Variants in ABLIM1 observed in about 807,000 individuals in gnomAD.
The protein encoded by ABLIM1 is actin binding LIM protein 1, also known as actin-binding LIM protein 1.
ABLIM1 carries 40 observed loss-of-function variants against 107.0 expected under a neutral mutation model. The ratio of observed to expected loss-of-function variants is 0.37; its 90% CI spans 0.29 to 0.49. The LOEUF (loss-of-function observed/expected upper bound fraction) is 0.49, where lower values mean the gene tolerates loss of function less well. ABLIM1 is among the 20% of genes least tolerant of loss of function. The pLI, the probability that ABLIM1 is intolerant of heterozygous loss-of-function variation, is 0.97. For synonymous variants in ABLIM1, 357 were observed against 357.3 expected (o/e 1.00, Z 0.01); for missense variants, 857 against 1,008.5 (o/e 0.85, Z 2.04).
chr10:114,478,850 C>G (rs1410713882), intron 8 of ABLIM1, among the ~76,000 whole-genome samples: 1 of 152,176 alleles, frequency 6.6e-6, no homozygotes, highest in Non-Finnish European at 1.5e-5. Flanking sequence ...AAATTTACTT[C>G]CATGGGCATC....
chr10:114,585,219 G>A (rs993251543), intron 2 of ABLIM1, among the ~76,000 whole-genome samples: 3 of 152,110 alleles, frequency 2.0e-5, no homozygotes, highest in Non-Finnish European at 4.4e-5. Flanking sequence ...GGACTCAAAG[G>A]TAAGTTTTAT....
At chr10:114,715,234 A>G (rs1373379876) in intron 1 of ABLIM1, among the ~76,000 whole-genome samples, 1 of 152,220 alleles carries the variant, frequency 6.6e-6, no homozygotes, top group African/African-American at 2.4e-5. Context: ...AGAGCGAGCC[A>G]AGAATGAAAA....
chr10:114,462,377 G>A (rs1199029551), intron 12 of ABLIM1, among the ~76,000 whole-genome samples: 1 of 152,136 alleles, frequency 6.6e-6, no homozygotes, highest in Non-Finnish European at 1.5e-5. Flanking sequence ...GGCTCCCCCA[G>A]TGTGGAGAGT....
intron 4 of ABLIM1, among the ~76,000 whole-genome samples, chr10:114,556,463 C>T (rs889122659): frequency 2.6e-5 from 4 of 152,152 alleles, no homozygotes; most frequent in Non-Finnish European, 5.9e-5. Context: ...TCAGTTGCCA[C>T]CTGTTCTCAT....
At chr10:114,490,203 C>G (rs73353721) in intron 7 of ABLIM1, among the ~76,000 whole-genome samples, 3,816 of 152,312 alleles carry the variant, frequency 0.025, 159 homozygotes, top group African/African-American at 0.088. Flanking sequence ...GAAAACGTGT[C>G]ATATAAATCC....
intron 1 of ABLIM1, among the ~76,000 whole-genome samples, chr10:114,720,359 A>G (rs199663660): frequency 6.6e-6 from 1 of 152,170 alleles, no homozygotes; most frequent in Non-Finnish European, 1.5e-5. Flanking sequence ...TTTATAACAG[A>G]ATGATTTATA....
chr10:114,654,563 C>G (rs1211987025), intron 1 of ABLIM1, among the ~76,000 whole-genome samples: 1 of 152,170 alleles, frequency 6.6e-6, no homozygotes, highest in Admixed American at 6.5e-5. Context: ...CCTCCTGCCT[C>G]AGCCTCTCAA....
chr10:114,545,321 G>A (rs774594757), intron 5 of ABLIM1, among the ~76,000 whole-genome samples: 4 of 152,134 alleles, frequency 2.6e-5, no homozygotes, highest in South Asian at 2.1e-4. Flanking sequence ...CCACACAGGC[G>A]AAACAGCCAT....
upstream of ABLIM1, among the ~76,000 whole-genome samples, chr10:114,687,920 A>G (rs536781007): frequency 6.6e-6 from 1 of 152,294 alleles, no homozygotes; most frequent in African/African-American, 2.4e-5. Flanking sequence ...ATTTTCCCTG[A>G]ACTTGTCTTC....
In ABLIM1 at chr10:114,699,136, G is replaced by A. The variant is rs1215824565; in HGVS notation, c.-213+68925C>T. Among the ~76,000 whole-genome samples the A allele has an allele frequency of 2.8e-5, 4 of 143,342 alleles. No individual in the cohort carries two copies. In the East Asian group the frequency reaches 6.0e-4, roughly 21 times the overall value. The allele number at this position is 143,342 out of a possible 152,430, so 94.0% of individuals were successfully genotyped here. Reference sequence around the variant, plus strand: ...AAAAAAAAAAGAATTGGAATTAAAAGCTTTATGTAAATTAAAAATCTGTAT... The same window carrying A: ...AAAAAAAAAAGAATTGGAATTAAAAACTTTATGTAAATTAAAAATCTGTAT... On this transcript the variant is annotated intron_variant, in intron 1 of 15. Coordinates refer to the ABLIM1 transcript ENST00000651092.
At chr10:114,695,662 T>C (rs955504740) in intron 1 of ABLIM1, among the ~76,000 whole-genome samples, 2 of 152,110 alleles carry the variant, frequency 1.3e-5, no homozygotes, top group African/African-American at 4.8e-5. Flanking sequence ...CCATTACAAT[T>C]CAACAACTTT....
intron 2 of ABLIM1, among the ~76,000 whole-genome samples, 194 bp from the exon 3 acceptor site, chr10:114,575,793 A>G (rs921515840): frequency 6.6e-6 from 1 of 152,224 alleles, no homozygotes; most frequent in African/African-American, 2.4e-5. Flanking sequence ...TCATACAAGT[A>G]AAATCCACTG....
intron 1 of ABLIM1, among the ~76,000 whole-genome samples, chr10:114,678,313 T>C (rs1363170304): frequency 6.6e-6 from 1 of 152,244 alleles, no homozygotes; most frequent in African/African-American, 2.4e-5. Context: ...CTAACTACAT[T>C]AACCTGTTGG....
upstream of ABLIM1, among the ~76,000 whole-genome samples, chr10:114,772,582 G>A (rs1291585968): frequency 6.6e-6 from 1 of 150,738 alleles, no homozygotes; most frequent in Non-Finnish European, 1.5e-5. Context: ...ACTCCAGCCT[G>A]GGTGACAGAG....
intron 1 of ABLIM1, among the ~76,000 whole-genome samples, chr10:114,651,589 AC>A (rs2079245653): frequency 6.6e-6 from 1 of 152,162 alleles, no homozygotes. Context: ...GAAAGGCTTA[AC>A]CGTCAAGAGC....
intron 6 of ABLIM1, among the ~76,000 whole-genome samples, chr10:114,536,227 GTTT>G (rs536435789): frequency 5.3e-5 from 3 of 56,260 alleles, no homozygotes; most frequent in Middle Eastern, 9.8e-3. Flanking sequence ...TTCTTTCTTT[GTTT>G]TTTTTTTTTT....
intron 6 of ABLIM1, among the ~76,000 whole-genome samples, chr10:114,542,506 G>T (rs1327290803): frequency 6.6e-6 from 1 of 151,062 alleles, no homozygotes; most frequent in Non-Finnish European, 1.5e-5. Flanking sequence ...AAGGAAGAAA[G>T]AAGAAATTAG....
chr10:114,763,406 T>C (rs2082798581), intron 1 of ABLIM1, among the ~76,000 whole-genome samples: 2 of 79,214 alleles, frequency 2.5e-5, no homozygotes, highest in South Asian at 8.0e-4. Flanking sequence ...ACATTGATAG[T>C]GATTTTTTTT....
At chr10:114,488,909 TAAG>T (rs1335537927) in intron 7 of ABLIM1, among the ~76,000 whole-genome samples, 10 of 152,228 alleles carry the variant, frequency 6.6e-5, no homozygotes, top group African/African-American at 2.4e-4. Context: ...AATGAGCACT[TAAG>T]AAGACTTAAG....
Sources: gnomAD v4.1 joint callset for allele counts (sites outside exome capture counted in the v4.1 genomes callset) on GRCh38, gnomAD v4.1.1 for gene constraint, MANE v1.5 for transcripts, NCBI Gene and HGNC (gene_info 2026-07-23, HGNC 2026-07-21) for gene names.